The following RAPGEF2 variants were observed in gnomAD, a reference collection of about 807,000 sequenced individuals.
RAPGEF2 encodes the protein PDZ domain containing guanine nucleotide exchange factor (GEF) 1.
RAPGEF2 carries 54 observed loss-of-function variants against 186.7 expected under a neutral mutation model. That is an observed-to-expected ratio of 0.29 (90% CI 0.23 to 0.36). RAPGEF2 has a LOEUF of 0.36. RAPGEF2 is among the 10% of genes least tolerant of loss of function. The pLI, the probability that RAPGEF2 is intolerant of heterozygous loss-of-function variation, is 1.00. For synonymous variants in RAPGEF2, 712 were observed against 705.9 expected (o/e 1.01, Z -0.14); for missense variants, 1,532 against 2,045.0 (o/e 0.75, Z 4.84).
chr4:159,241,666 CTTTA>C (rs1754024428), intron 6 of RAPGEF2, among the ~76,000 whole-genome samples: 2 of 151,468 alleles, frequency 1.3e-5, no homozygotes, highest in African/African-American at 4.8e-5. Flanking sequence ...TTGCTAGCTC[CTTTA>C]TTTCTTAAGT....
At chr4:159,270,618 A>G (rs1293662343) in intron 7 of RAPGEF2, among the ~76,000 whole-genome samples, 1 of 152,124 alleles carries the variant, frequency 6.6e-6, no homozygotes, top group Non-Finnish European at 1.5e-5. Context: ...AACCTTTCAG[A>G]TCTCATGGGC....
intron 7 of RAPGEF2, chr4:159,267,359 T>C (rs1478828835): frequency 7.8e-7 from 1 of 1,277,798 alleles, no homozygotes; most frequent in Non-Finnish European, 1.0e-6. Flanking sequence ...AGACTCATGA[T>C]TTTTGAGATT....
Position 159,332,556 on chromosome 4 carries a change from A to G in RAPGEF2, c.1994A>G (p.Asp665Gly). Residue 665 changes from aspartate to glycine, a missense_variant, in exon 17 of 30, where the codon GAT becomes GGT. Transcript: ENST00000691494. ...IKKASRYSIP[D>G]LAVDVEQVIG... is the part of the protein sequence containing the mutation. Reference sequence around the variant, plus strand: ...AAGGCCAGTCGCTACTCCATTCCAGATCTTGCTGTAGATGTAGAACAGGTG... The same window carrying G: ...AAGGCCAGTCGCTACTCCATTCCAGGTCTTGCTGTAGATGTAGAACAGGTG... 5 of 1,614,130 alleles carry G rather than the reference A, an allele frequency of 3.1e-6. No individual in the cohort carries two copies. Among genetic ancestry groups the G allele is most frequent in the Non-Finnish European group, 4.2e-6 (5 of 1,180,012 alleles).
chr4:159,294,541 A>C (rs1761661653), intron 7 of RAPGEF2, among the ~76,000 whole-genome samples: 1 of 152,194 alleles, frequency 6.6e-6, no homozygotes, highest in Non-Finnish European at 1.5e-5. Context: ...AAATGGTATG[A>C]TTGCATGATT....
rs762972843 is a variant in RAPGEF2, at chr4:159,304,343, T to C, written c.545T>C (p.Leu182Pro). ...GYHTECTKSQ[L>P]PADFTKLHLT... ...TAGTTTTTCCTGCTCCTTCCATAGC[T>C]TCCTGCAGATTTCACAAAACTGCAT... The change falls in exon 8 of 30, where the codon CTT becomes CCT. Residue 182 changes from leucine (L) to proline (P), a missense_variant and splice_region_variant. Coordinates refer to ENST00000691494, the MANE Select transcript of RAPGEF2 (RefSeq NM_001394067.2). The C allele has an allele frequency of 6.2e-7, 1 of 1,603,346 alleles. No homozygotes were observed. The highest frequency in any genetic ancestry group is 1.3e-5 in the African/African-American group (1 of 74,778).
chr4:159,218,276 G>T (rs761482280), intron 4 of RAPGEF2, among the ~76,000 whole-genome samples: 1 of 152,182 alleles, frequency 6.6e-6, no homozygotes, highest in Non-Finnish European at 1.5e-5. Flanking sequence ...GGTGATTGGA[G>T]AAGGAATGGA....
intron 4 of RAPGEF2, among the ~76,000 whole-genome samples, chr4:159,237,313 G>A (rs537923764): frequency 5.3e-5 from 8 of 152,104 alleles, no homozygotes; most frequent in Non-Finnish European, 1.2e-4. Flanking sequence ...GTGCCATCGC[G>A]CGTGGCCGGA....
At chr4:159,244,642 T>C (rs1011386145) in intron 7 of RAPGEF2, among the ~76,000 whole-genome samples, 1 of 151,960 alleles carries the variant, frequency 6.6e-6, no homozygotes, top group Non-Finnish European at 1.5e-5. Flanking sequence ...GTTTTATTGT[T>C]GTACAGGGAA....
intron 1 of RAPGEF2, among the ~76,000 whole-genome samples, chr4:159,105,520 C>G (rs1171489119): frequency 6.6e-6 from 1 of 152,168 alleles, no homozygotes; most frequent in Non-Finnish European, 1.5e-5. Context: ...ATAGATTGCA[C>G]ATATTTATCA....
At chr4:159,128,334 C>G (rs935019244) in intron 1 of RAPGEF2, among the ~76,000 whole-genome samples, 8 of 152,112 alleles carry the variant, frequency 5.3e-5, no homozygotes, top group African/African-American at 1.9e-4. Flanking sequence ...TCTTAGTTTT[C>G]TCACCTGTAA....
chr4:159,127,961 C>G (rs1385176311), intron 1 of RAPGEF2, among the ~76,000 whole-genome samples: 1 of 152,122 alleles, frequency 6.6e-6, no homozygotes, highest in Non-Finnish European at 1.5e-5. Context: ...AAGTCAGAAG[C>G]AAAGTCCTGA....
At chr4:159,283,339 G>T (rs1200218955) in intron 7 of RAPGEF2, among the ~76,000 whole-genome samples, 1 of 151,954 alleles carries the variant, frequency 6.6e-6, no homozygotes, top group Non-Finnish European at 1.5e-5. Flanking sequence ...CAAAATTTAA[G>T]TTATATCTAC....
At chr4:159,228,062 TAA>T (rs748623682) in intron 4 of RAPGEF2, among the ~76,000 whole-genome samples, 2 of 152,084 alleles carry the variant, frequency 1.3e-5, no homozygotes, top group Non-Finnish European at 2.9e-5. Flanking sequence ...TAGAAATTGA[TAA>T]AGAGTGTCTG....
At chr4:159,213,972 C>T (rs1181180698) in intron 4 of RAPGEF2, among the ~76,000 whole-genome samples, 1 of 152,122 alleles carries the variant, frequency 6.6e-6, no homozygotes, top group Non-Finnish European at 1.5e-5. Context: ...ATATTGTTGC[C>T]TTCAGATAGA....
intron 4 of RAPGEF2, among the ~76,000 whole-genome samples, chr4:159,226,613 C>G (rs1242112847): frequency 2.6e-5 from 4 of 152,184 alleles, no homozygotes; most frequent in Non-Finnish European, 5.9e-5. Flanking sequence ...CGAACTCTTT[C>G]TCCATTTAAG....
intron 7 of RAPGEF2, among the ~76,000 whole-genome samples, chr4:159,296,053 A>G (rs1384955398): frequency 6.6e-6 from 1 of 151,620 alleles, no homozygotes; most frequent in African/African-American, 2.4e-5. Flanking sequence ...TAGATTTAAT[A>G]ACGAGGCCTG....
chr4:159,133,859 A>C (rs1281082129), intron 1 of RAPGEF2, among the ~76,000 whole-genome samples: 2 of 152,182 alleles, frequency 1.3e-5, no homozygotes, highest in Non-Finnish European at 2.9e-5. Flanking sequence ...CTGGGATTAC[A>C]GGCGTGAGCC....
chr4:159,292,616 A>AT (rs36095763), intron 7 of RAPGEF2, among the ~76,000 whole-genome samples: 2,334 of 152,162 alleles, frequency 0.015, 22 homozygotes, highest in Middle Eastern at 0.037. Flanking sequence ...GTTTACTTCT[A>AT]TTTTTTTAAA....
chr4:159,121,356 T>C (rs932308717), intron 1 of RAPGEF2, among the ~76,000 whole-genome samples: 29 of 149,372 alleles, frequency 1.9e-4, no homozygotes, highest in Non-Finnish European at 3.6e-4. Flanking sequence ...CTTCCTCTTC[T>C]TTTCTCTTTT....
Sources: allele counts gnomAD v4.1 joint callset (sites outside exome capture counted in the v4.1 genomes callset), GRCh38; gene constraint gnomAD v4.1.1; transcripts MANE v1.5; gene names NCBI Gene and HGNC (gene_info 2026-07-23, HGNC 2026-07-21).